SAMD11: variants seen among roughly 807,000 people sequenced by gnomAD.
SAMD11 encodes sterile alpha motif domain-containing protein 11.
A neutral mutation model predicts 64.4 loss-of-function variants in SAMD11; 77 were observed. The observed-to-expected ratio is 1.20, with a 90% CI of 0.99 to 1.44. The LOEUF is 1.44. SAMD11 is among the 40% of genes most tolerant of loss of function. The pLI, the probability that SAMD11 is intolerant of heterozygous loss-of-function variation, is 0.00. For missense variants in SAMD11, 1,402 were observed against 943.3 expected (o/e 1.49, Z -6.37); for synonymous variants, 658 against 421.9 (o/e 1.56, Z -6.86).
chr1:929,567 G>C (rs928975610), intron 2 of SAMD11, among the ~76,000 whole-genome samples: 1 of 152,230 alleles, frequency 6.6e-6, no homozygotes, highest in African/African-American at 2.4e-5. Flanking sequence ...CGGTGGCAGG[G>C]TGTGGTGGGC....
At chr1:928,830 G>A (rs1398173494) in intron 2 of SAMD11, among the ~76,000 whole-genome samples, 1 of 152,222 alleles carries the variant, frequency 6.6e-6, no homozygotes, top group Non-Finnish European at 1.5e-5. Context: ...CTTGGGGAGG[G>A]GGCACTGCCC....
intron 2 of SAMD11, 146 bp downstream of exon 2, chr1:926,159 G>A (rs1640875915): frequency 2.6e-6 from 2 of 766,968 alleles, no homozygotes; most frequent in Admixed American, 2.1e-5. Flanking sequence ...GGGGGAAGCG[G>A]CTTTACCTCG....
intron 5 of SAMD11, among the ~76,000 whole-genome samples, chr1:936,515 G>A (rs937572178): frequency 6.6e-6 from 1 of 152,170 alleles, no homozygotes; most frequent in African/African-American, 2.4e-5. Flanking sequence ...GCTGCTGCCT[G>A]GTCACAGTTG....
rs1251970674 is a variant in SAMD11, at chr1:928,380, A to G, written c.610-1775A>G. 8.3e-4 allele frequency among the ~76,000 whole-genome samples: 127 copies of G among 152,318 alleles called. 1 individual carries two copies. Among genetic ancestry groups the G allele is most frequent in the African/African-American group, 3.0e-3 (125 of 41,578 alleles). ...GCACTCCAGCCTGGGCAACAGAGTG[A>G]GACTCCGTCTCAAAAAACTAAAAAA... is the stretch of plus-strand genomic sequence containing the variant. On this transcript the variant is annotated intron_variant, in intron 2 of 13. Transcript: ENST00000616016.
chr1:944,318 G>A lies in SAMD11; in HGVS notation c.*165G>A. The A allele has an allele frequency of 7.2e-7, 1 of 1,390,000 alleles. No individual in the cohort carries two copies. Among genetic ancestry groups the A allele is most frequent in the African/African-American group, 1.5e-5 (1 of 68,204 alleles). 86.1% of individuals were successfully genotyped at this position (1,390,000 alleles called of 1,614,324 possible). A position where few individuals can be genotyped will look rare whatever the true frequency, so the allele number is the denominator to read the frequency against. On this transcript the variant is annotated 3_prime_UTR_variant, in exon 14 of 14. Transcript: ENST00000616016. ...AAAGGAACAAATTTTCAAAGACTTGGGGGAGTGAAGGCAGAGCCTGGTGCA... is the reference window on the plus strand; with the variant it reads ...AAAGGAACAAATTTTCAAAGACTTGAGGGAGTGAAGGCAGAGCCTGGTGCA...
In SAMD11 at chr1:942,804, C is replaced by T. The variant is rs1641870523; in HGVS notation, c.1799C>T (p.Pro600Leu). 6.5e-7 allele frequency: 1 copy of T among 1,545,580 alleles called. No individual in the cohort carries two copies. The highest frequency in any genetic ancestry group is 1.4e-5 in the African/African-American group (1 of 72,528). Residue 600 changes from proline to leucine, a missense_variant, in exon 11 of 14, where the codon CCC becomes CTC. By Grantham distance (98) the Pro-to-Leu change is moderately conservative. Transcript: ENST00000616016. ...SARRAPRKGG[P>L]GPASARPSES... ...CGGCGAGCCCCCCGGAAGGGGGGTC[C>T]CGGCCCTGCCTCAGCGCGGCCCAGC... is the stretch of plus-strand genomic sequence containing the variant.
At chr1:936,113 G>T (rs570273226) in intron 5 of SAMD11, among the ~76,000 whole-genome samples, 17 of 152,360 alleles carry the variant, frequency 1.1e-4, no homozygotes, top group Admixed American at 1.1e-3. Flanking sequence ...CCGCTGGGGT[G>T]GGCTTGGAGT....
rs781012689 is a variant in SAMD11 at position 935,816 on chromosome 1, G to A, written c.887G>A (p.Ser296Asn). The A allele has an allele frequency of 2.5e-6, 4 of 1,613,474 alleles. No individual in the cohort carries two copies. The highest frequency in any genetic ancestry group is 2.2e-5 in the South Asian group (2 of 91,078). Residue 296 changes from serine (S) to asparagine (N), a missense_variant, in exon 5 of 14, where the codon AGC (serine) becomes AAC (asparagine). Transcript: ENST00000616016. ...LPTLISSVHR[S>N]RHLVMPEHQS... ...ACCCTCATATCCAGCGTCCACCGCA[G>A]CCGCCACCTCGTTATGCCCGAGCAT... is the stretch of plus-strand genomic sequence containing the variant.
intron 7 of SAMD11, among the ~76,000 whole-genome samples, chr1:939,753 C>T (rs1273000323): frequency 3.9e-5 from 6 of 152,132 alleles, no homozygotes; most frequent in Non-Finnish European, 1.5e-5. Context: ...AGCTCCTGGA[C>T]CCTGTGGTCT....
chr1:944,143 C>T lies in SAMD11; in HGVS notation c.2525C>T (p.Pro842Leu), dbSNP rs1239260306. 3.5e-5 allele frequency: 55 copies of T among 1,570,160 alleles called. No individual in the cohort carries two copies. The highest frequency in any genetic ancestry group is 4.6e-5 in the Non-Finnish European group (53 of 1,156,552). The change falls in exon 14 of 14, where the codon CCT becomes CTT. Residue 842 changes from proline (P) to leucine (L), a missense_variant. Physicochemically the swap from Pro to Leu is moderately conservative, Grantham distance 98 (BLOSUM62 -3). Transcript: ENST00000616016. The stretch of plus-strand genomic sequence containing the variant: ...CCAGGGGCCCCCGACCCTTCCCAGC[C>T]TCTGTGTTGAGGTTGCCGGGGGTAG... ...LLPGAPDPSQ[P>L]LC
In SAMD11 at chr1:944,128, C is replaced by G. The variant is rs1642005065; in HGVS notation, c.2510C>G (p.Pro837Arg). Residue 837 changes from proline (P) to arginine (R), a missense_variant, in exon 14 of 14, where the codon CCC (proline) becomes CGC (arginine). Coordinates refer to ENST00000616016, the MANE Select transcript of SAMD11 (RefSeq NM_001385641.1). ...NGTLALLPGAPDPSQPLC is the reference protein window; with the variant it reads ...NGTLALLPGARDPSQPLC ...ACCTTGGCTCTACTTCCAGGGGCCC[C>G]CGACCCTTCCCAGCCTCTGTGTTGA... 2.5e-6 allele frequency: 4 copies of G among 1,589,422 alleles called. No individual in the cohort carries two copies. Among genetic ancestry groups the G allele is most frequent in the Non-Finnish European group, 3.4e-6 (4 of 1,166,402 alleles).
At chr1:937,296 C>G (rs1641507201) in intron 5 of SAMD11, among the ~76,000 whole-genome samples, 1 of 152,118 alleles carries the variant, frequency 6.6e-6, no homozygotes, top group Admixed American at 6.5e-5. Context: ...CAGAGCAGGT[C>G]CTGCATCTGC....
chr1:944,564 AAT>A lies in SAMD11; in HGVS notation c.*413_*414del. ...TGGTCTTTCATGCTGAAAAATAAAT[AAT>A]AAAGCCTGTCCCGTGTCTACTGCCT... On this transcript the variant is annotated 3_prime_UTR_variant, in exon 14 of 14. Transcript: ENST00000616016. The A allele has an allele frequency of 1.6e-6, 1 of 638,518 alleles. No individual in the cohort carries two copies. The highest frequency in any genetic ancestry group is 2.7e-6 in the Non-Finnish European group (1 of 376,234). The allele number at this position is 638,518 out of a possible 1,614,324, so 39.6% of individuals were successfully genotyped here.
At chr1:925,304 G>C (rs1224245423) in intron 1 of SAMD11, 1 of 151,908 alleles carries the variant, frequency 6.6e-6, no homozygotes. Context: ...GAGACTGGAG[G>C]GGCGCACGTG....
intron 12 of SAMD11, 47 bp from the exon 13 acceptor site, chr1:943,651 G>GA: frequency 6.8e-7 from 1 of 1,476,396 alleles, no homozygotes; most frequent in Non-Finnish European, 9.0e-7. Flanking sequence ...TGGGCTGGAG[G>GA]ATGGAGCAGC....
chr1:941,291 C>G lies in SAMD11; in HGVS notation c.1343C>G (p.Pro448Arg), dbSNP rs781502726. 1.9e-6 allele frequency: 3 copies of G among 1,589,752 alleles called. No individual in the cohort carries two copies. Among genetic ancestry groups the G allele is most frequent in the Admixed American group, 1.7e-5 (1 of 57,728 alleles). ...HREGAAPAAA[P>R]SFSERELPQP... Reference sequence around the variant, plus strand: ...GAGGGCGCCGCCCCAGCTGCCGCCCCGTCCTTCTCGGAGAGGTACTGGGGT... The same window carrying G: ...GAGGGCGCCGCCCCAGCTGCCGCCCGGTCCTTCTCGGAGAGGTACTGGGGT... The change falls in exon 8 of 14, where the codon CCG becomes CGG. Residue 448 changes from proline to arginine, a missense_variant. Transcript: ENST00000616016.
At chr1:925,658 G>T (rs937002705) in intron 1 of SAMD11, 2 of 389,798 alleles carry the variant, frequency 5.1e-6, no homozygotes, top group Non-Finnish European at 9.5e-6. Context: ...AGGGTGGAGC[G>T]CGGGAGGAGG....
At position 944,091 on chromosome 1, in the gene SAMD11, CAGG is replaced by C. The variant is rs1167117919; in HGVS notation, c.2476_2478del (p.Glu826del). 9 of 1,612,208 alleles carry C rather than the reference CAGG, an allele frequency of 5.6e-6. No homozygotes were observed. The highest frequency in any genetic ancestry group is 3.3e-5 in the Admixed American group (2 of 59,952). On this transcript the variant is annotated inframe_deletion, in exon 14 of 14. Transcript: ENST00000616016. ...CCTTGCCGGTCAAACTTCACCCAAG[CAGG>C]AGAATGGGACCTTGGCTCTACTTCC...
At chr1:926,930 G>T (rs1033503993) in intron 2 of SAMD11, among the ~76,000 whole-genome samples, 2 of 152,106 alleles carry the variant, frequency 1.3e-5, no homozygotes, top group Admixed American at 1.3e-4. Context: ...GCGTACCTCC[G>T]CTTGCCTGCT....
Sources: allele counts gnomAD v4.1 joint callset (sites outside exome capture counted in the v4.1 genomes callset), GRCh38; gene constraint gnomAD v4.1.1; transcripts MANE v1.5; gene names NCBI Gene and HGNC (gene_info 2026-07-23, HGNC 2026-07-21).